SBF2: variants seen among roughly 807,000 people sequenced by gnomAD.
SBF2 encodes SET binding factor 2, also known as myotubularin-related protein 13.
Under a neutral mutation model 225.2 loss-of-function variants are expected in SBF2, and 112 were observed. That is an observed-to-expected ratio of 0.50 (90% CI 0.43 to 0.58). The LOEUF is 0.58. Ranked by LOEUF, SBF2 falls within the 20% of genes least tolerant of loss-of-function variation. The probability of loss-of-function intolerance (pLI) is 0.00; values close to 1 mark genes in which losing one functional copy is unlikely to be tolerated. For missense variants in SBF2, 1,996 were observed against 2,206.2 expected, an observed-to-expected ratio of 0.90 and a Z score of 1.91; for synonymous variants, 763 against 773.3, an observed-to-expected ratio of 0.99 and a Z score of 0.22.
chr11:10,252,744 AGCTTGCAGC>A (rs1960482670), intron 1 of SBF2, among the ~76,000 whole-genome samples: 1 of 39,828 alleles, frequency 2.5e-5, no homozygotes, highest in Non-Finnish European at 7.0e-5. Flanking sequence ...TGGGAGGCGG[AGCTTGCAGC>A]GAGCTTGCAG....
intron 16 of SBF2, chr11:9,959,531 G>A (rs1443271904): frequency 5.0e-6 from 4 of 794,148 alleles, no homozygotes; most frequent in Non-Finnish European, 9.2e-6. Flanking sequence ...ACCAGCTTGT[G>A]GAGGTCCTTG....
chr11:10,200,600 C>T (rs1042842653), intron 1 of SBF2, among the ~76,000 whole-genome samples: 6 of 152,056 alleles, frequency 3.9e-5, no homozygotes, highest in African/African-American at 9.7e-5. Context: ...CAAGTTTTAT[C>T]CCTGTTAAAT....
At chr11:10,295,599 A>AC (rs1964487901), upstream of SBF2, among the ~76,000 whole-genome samples, 1 of 151,876 alleles carries the variant, frequency 6.6e-6, no homozygotes, top group Non-Finnish European at 1.5e-5. Flanking sequence ...AAAAAAAAAA[A>AC]ACCTCAGTCA....
chr11:9,882,920 C>T (rs1015968646), intron 17 of SBF2, among the ~76,000 whole-genome samples: 2 of 151,680 alleles, frequency 1.3e-5, no homozygotes, highest in Non-Finnish European at 2.9e-5. Context: ...ATTCACATTG[C>T]TTCTCTTGCC....
chr11:10,230,951 C>G (rs1228794397), intron 1 of SBF2, among the ~76,000 whole-genome samples: 1 of 152,184 alleles, frequency 6.6e-6, no homozygotes, highest in Admixed American at 6.5e-5. Context: ...GTACACCAAT[C>G]AGACATAGAT....
chr11:10,179,236 C>A (rs1956617067), intron 2 of SBF2, among the ~76,000 whole-genome samples: 1 of 151,552 alleles, frequency 6.6e-6, no homozygotes, highest in South Asian at 2.1e-4. Flanking sequence ...GGAGATATAT[C>A]TAATGCTAGA....
chr11:10,119,688 A>G (rs1953339909), intron 2 of SBF2, among the ~76,000 whole-genome samples: 1 of 152,210 alleles, frequency 6.6e-6, no homozygotes, highest in South Asian at 2.1e-4. Context: ...GGAGTCCGAC[A>G]GTATGTGAAC....
rs1866734042 is a variant in SBF2, at chr11:9,963,820, T to G, written c.1663A>C (p.Asn555His). The G allele has an allele frequency of 6.2e-7, 1 of 1,610,568 alleles. No homozygotes were observed. Among genetic ancestry groups the G allele is most frequent in the Admixed American group, 1.7e-5 (1 of 59,936 alleles). The change falls in exon 15 of 40, where the codon AAC becomes CAC. Residue 555 changes from asparagine (N) to histidine (H), a missense_variant. Coordinates refer to ENST00000256190, the MANE Select transcript of SBF2 (RefSeq NM_030962.4). ...NSAQRLEVVRNCISFIFENKI... is the reference protein window; with the variant it reads ...NSAQRLEVVRHCISFIFENKI... ...TTTTCAAATATGAATGAGATACAGT[T>G]TCTGACAACTTCTAGTCTTTGTGCA...
chr11:9,805,587 A>C (rs751743929), intron 32 of SBF2, among the ~76,000 whole-genome samples: 4 of 151,838 alleles, frequency 2.6e-5, no homozygotes, highest in Non-Finnish European at 4.4e-5. Flanking sequence ...GAGCTTTTGG[A>C]AGATTATGCC....
At chr11:9,809,754 C>T (rs1444347587) in intron 30 of SBF2, among the ~76,000 whole-genome samples, 1 of 151,874 alleles carries the variant, frequency 6.6e-6, no homozygotes, top group Non-Finnish European at 1.5e-5. Flanking sequence ...CCATGTTGGC[C>T]AGGCTAGTCT....
chr11:9,800,205 C>A (rs1398914365), intron 32 of SBF2, among the ~76,000 whole-genome samples: 1 of 151,804 alleles, frequency 6.6e-6, no homozygotes, highest in Non-Finnish European at 1.5e-5. Context: ...CCACTGCACT[C>A]CAGCCTCAGG....
chr11:9,904,409 T>C (rs1042188423), intron 16 of SBF2, among the ~76,000 whole-genome samples: 5 of 152,102 alleles, frequency 3.3e-5, no homozygotes, highest in Non-Finnish European at 7.4e-5. Flanking sequence ...GCTATAACAA[T>C]TTAAATGTAT....
intron 2 of SBF2, among the ~76,000 whole-genome samples, chr11:10,182,773 GTTT>G (rs1344753931): frequency 2.0e-5 from 3 of 150,704 alleles, no homozygotes; most frequent in Admixed American, 1.3e-4. Flanking sequence ...TTTGTTTGTT[GTTT>G]TTTAATTTTT....
At chr11:10,219,383 C>T (rs1958254662) in intron 1 of SBF2, among the ~76,000 whole-genome samples, 1 of 152,200 alleles carries the variant, frequency 6.6e-6, no homozygotes, top group Admixed American at 6.5e-5. Context: ...AGACTGCACA[C>T]AGCAGGGGGG....
intron 17 of SBF2, among the ~76,000 whole-genome samples, chr11:9,893,671 G>A (rs1388037498): frequency 6.6e-6 from 1 of 152,030 alleles, no homozygotes; most frequent in African/African-American, 2.4e-5. Flanking sequence ...CTAGTGGGGG[G>A]CTTCCTAGCA....
chr11:10,050,953 G>C (rs528022442), intron 2 of SBF2, among the ~76,000 whole-genome samples: 3 of 152,224 alleles, frequency 2.0e-5, no homozygotes, highest in Admixed American at 6.5e-5. Flanking sequence ...GGGTAAGGGG[G>C]AAACTACAGC....
At chr11:9,927,496 A>G (rs1864145902) in intron 16 of SBF2, among the ~76,000 whole-genome samples, 1 of 152,224 alleles carries the variant, frequency 6.6e-6, no homozygotes, top group African/African-American at 2.4e-5. Context: ...GCTATTTGGG[A>G]GGCTGAAGCA....
rs1237076005 is a variant in SBF2 at position 9,798,830 on chromosome 11, T to A, written c.4444-2873A>T. 2.6e-5 allele frequency among the ~76,000 whole-genome samples: 4 copies of A among 151,638 alleles called. No homozygotes were observed. The East Asian group carries it at 7.8e-4, about 29-fold the overall frequency. ...AGCTGGGCGTGGTGGCGGGCGCCTG[T>A]AGTCCCAGCTACTCGGGAGGCTGAG... is the stretch of plus-strand genomic sequence containing the variant. On this transcript the variant is annotated intron_variant, in intron 32 of 39. Transcript: ENST00000256190.
intron 17 of SBF2, among the ~76,000 whole-genome samples, chr11:9,862,476 G>T (rs1409095282): frequency 2.0e-5 from 3 of 152,242 alleles, no homozygotes; most frequent in Non-Finnish European, 1.5e-5. Flanking sequence ...AAAGAGAACT[G>T]TTCAGGGTCA....
Sources: allele counts gnomAD v4.1 joint callset (sites outside exome capture counted in the v4.1 genomes callset), GRCh38; gene constraint gnomAD v4.1.1; transcripts MANE v1.5; gene names NCBI Gene and HGNC (gene_info 2026-07-23, HGNC 2026-07-21).